Variants in TP63 observed in about 807,000 individuals in gnomAD.
TP63 encodes the protein tumor protein 63.
TP63 carries 17 observed loss-of-function variants against 82.8 expected under a neutral mutation model. The ratio of observed to expected loss-of-function variants is 0.21; its 90% CI spans 0.14 to 0.31. The LOEUF (loss-of-function observed/expected upper bound fraction) is 0.31, where lower values mean the gene tolerates loss of function less well. Among genes scored for constraint, TP63 ranks in the 10% least tolerant of loss-of-function variants. The probability of loss-of-function intolerance (pLI) is 1.00; values close to 1 mark genes in which losing one functional copy is unlikely to be tolerated. For missense variants in TP63, 648 were observed against 895.3 expected (o/e 0.72, Z 3.52); for synonymous variants, 330 against 321.7 (o/e 1.03, Z -0.28).
At chr3:189,617,488 C>T in the TP63 span, among the ~76,000 whole-genome samples, 2 of 152,160 alleles carry the variant, frequency 1.3e-5, no homozygotes, top group African/African-American at 4.8e-5. Context: ...GTCACCCTCC[C>T]ATAATAGTTA....
intron 1 of TP63, among the ~76,000 whole-genome samples, chr3:189,721,657 T>C (rs1054264029): frequency 2.6e-5 from 4 of 152,072 alleles, no homozygotes; most frequent in African/African-American, 9.7e-5. Flanking sequence ...CCTGGGAGGC[T>C]CTCGCTTGTT....
chr3:189,773,010 C>T (rs1723491848), intron 3 of TP63, among the ~76,000 whole-genome samples: 1 of 152,108 alleles, frequency 6.6e-6, no homozygotes, highest in African/African-American at 2.4e-5. Context: ...ATTCTGTGGT[C>T]CTCCTCCATA....
At chr3:189,742,594 T>C (rs1335971700) in intron 3 of TP63, among the ~76,000 whole-genome samples, 1 of 152,230 alleles carries the variant, frequency 6.6e-6, no homozygotes, top group Non-Finnish European at 1.5e-5. Context: ...TGTAGCTTAT[T>C]TGTGTCTGGA....
chr3:189,850,085 C>T (rs964557484), intron 4 of TP63, among the ~76,000 whole-genome samples: 2 of 152,104 alleles, frequency 1.3e-5, no homozygotes, highest in African/African-American at 4.8e-5. Context: ...AGTTTGAGAC[C>T]AGCCTGACCA....
chr3:189,830,409 A>T (rs886175341), intron 4 of TP63, among the ~76,000 whole-genome samples: 1 of 152,214 alleles, frequency 6.6e-6, no homozygotes, highest in African/African-American at 2.4e-5. Context: ...AAAAAAATGT[A>T]TATCCTGAAA....
chr3:189,826,189 G>T (rs1729328745), intron 4 of TP63, among the ~76,000 whole-genome samples: 1 of 152,116 alleles, frequency 6.6e-6, no homozygotes, highest in African/African-American at 2.4e-5. Context: ...TACTGACTGA[G>T]CCCACTGTAA....
intron 3 of TP63, among the ~76,000 whole-genome samples, chr3:189,794,803 G>A (rs1312436120): frequency 1.3e-5 from 2 of 152,020 alleles, no homozygotes; most frequent in Non-Finnish European, 2.9e-5. Context: ...AGATTGCCTA[G>A]AAGTATGAAA....
At chr3:189,667,903 G>A (rs1714541146) in intron 1 of TP63, among the ~76,000 whole-genome samples, 1 of 151,988 alleles carries the variant, frequency 6.6e-6, no homozygotes, top group Non-Finnish European at 1.5e-5. Flanking sequence ...TAAATAAATA[G>A]GTGTGGCCAT....
chr3:189,738,723 T>C lies in TP63; in HGVS notation c.273T>C (p.Ile91=). The change falls in exon 3 of 14, where the codon ATT becomes ATC. Residue 91 remains isoleucine, a synonymous_variant. Transcript: ENST00000264731. ...ATGGTGCGACAAACAAGATTGAGAT[T>C]AGCATGGACTGTATCCGCATGCAGG... ...SEDGATNKIE[I]SMDCIRMQDS... 1 of 1,614,174 alleles carries C rather than the reference T, an allele frequency of 6.2e-7. No individual in the cohort carries two copies. Among genetic ancestry groups the C allele is most frequent in the Non-Finnish European group, 8.5e-7 (1 of 1,180,016 alleles).
intron 3 of TP63, among the ~76,000 whole-genome samples, chr3:189,739,491 A>C (rs893000308): frequency 3.3e-5 from 5 of 152,152 alleles, no homozygotes; most frequent in African/African-American, 7.2e-5. Context: ...ATCCTTCTTT[A>C]ATGCAGGAGG....
At chr3:189,710,159 A>C (rs1718490619) in intron 1 of TP63, among the ~76,000 whole-genome samples, 1 of 152,116 alleles carries the variant, frequency 6.6e-6, no homozygotes, top group Non-Finnish European at 1.5e-5. Flanking sequence ...GGGGAGAGAA[A>C]AGGAAAAGAG....
rs201619977 is a variant in TP63 at position 189,771,780 on chromosome 3, C to T, written c.324+33006C>T. 1.1e-4 allele frequency among the ~76,000 whole-genome samples: 16 copies of T among 152,142 alleles called. No individual in the cohort carries two copies. The East Asian group carries it at 3.1e-3, about 29-fold the overall frequency. ...GCAGTAAATGTCTGAGCAGTGTCTG[C>T]TAATGTCGGGTCAGTTCACATCAAC... On this transcript the variant is annotated intron_variant, in intron 3 of 13. Coordinates refer to ENST00000264731, the MANE Select transcript of TP63 (RefSeq NM_003722.5).
At chr3:189,646,936 T>C (rs1419650756) in intron 1 of TP63, among the ~76,000 whole-genome samples, 2 of 147,202 alleles carry the variant, frequency 1.4e-5, no homozygotes, top group Non-Finnish European at 3.0e-5. Flanking sequence ...TTTCCAGTCA[T>C]AAGAGAATGC....
the TP63 span, among the ~76,000 whole-genome samples, chr3:189,607,930 T>G: frequency 3.9e-5 from 6 of 152,120 alleles, no homozygotes; most frequent in Admixed American, 3.9e-4. Context: ...AAGGCAAACA[T>G]AACTCAACAG....
upstream of TP63, among the ~76,000 whole-genome samples, chr3:189,629,074 C>T (rs1729378961): frequency 6.6e-6 from 1 of 151,930 alleles, no homozygotes; most frequent in South Asian, 2.1e-4. Flanking sequence ...GGCTATAAAC[C>T]TTTTAAATTT....
At chr3:189,749,049 A>G (rs1371863126) in intron 3 of TP63, among the ~76,000 whole-genome samples, 6 of 152,116 alleles carry the variant, frequency 3.9e-5, no homozygotes, top group African/African-American at 1.4e-4. Flanking sequence ...AAATACTTAA[A>G]TGTAAGGCCT....
At chr3:189,777,793 A>C (rs1723915120) in intron 3 of TP63, among the ~76,000 whole-genome samples, 1 of 139,612 alleles carries the variant, frequency 7.2e-6, no homozygotes, top group Non-Finnish European at 1.5e-5. Context: ...CTCCTATACT[A>C]GATGAGGAAG....
At chr3:189,732,356 T>C (rs1485798648) in intron 1 of TP63, among the ~76,000 whole-genome samples, 1 of 152,146 alleles carries the variant, frequency 6.6e-6, no homozygotes, top group Non-Finnish European at 1.5e-5. Flanking sequence ...ACAAAAATGA[T>C]CTAGAAGAAA....
At chr3:189,790,171 A>G (rs2108593421) in intron 3 of TP63, among the ~76,000 whole-genome samples, 1 of 152,210 alleles carries the variant, frequency 6.6e-6, no homozygotes, top group Non-Finnish European at 1.5e-5. Flanking sequence ...ATACATTGCA[A>G]TGAATCCTCT....
Sources: allele counts gnomAD v4.1 joint callset (sites outside exome capture counted in the v4.1 genomes callset), GRCh38; gene constraint gnomAD v4.1.1; transcripts MANE v1.5; gene names NCBI Gene and HGNC (gene_info 2026-07-23, HGNC 2026-07-21).